ABR: variants seen among roughly 807,000 people sequenced by gnomAD.
ABR encodes active breakpoint cluster region-related protein.
ABR carries 35 observed loss-of-function variants against 107.2 expected under a neutral mutation model. That is an observed-to-expected ratio of 0.33 (90% CI 0.25 to 0.43). ABR has a LOEUF of 0.43. Among genes scored for constraint, ABR ranks in the 20% least tolerant of loss-of-function variants. ABR has a pLI of 1.00. For synonymous variants in ABR, 498 were observed against 462.0 expected (o/e 1.08, Z -1.00); for missense variants, 815 against 1,115.2 (o/e 0.73, Z 3.83).
intron 16 of ABR, among the ~76,000 whole-genome samples, chr17:1,038,372 G>T (rs1266384941): frequency 6.6e-6 from 1 of 152,224 alleles, no homozygotes. Flanking sequence ...CTCCAGTCGT[G>T]TCTCTGCTTC....
Position 1,010,991 on chromosome 17 carries a change from G to C in ABR, c.2102-128C>G. On this transcript the variant is annotated intron_variant, in intron 19 of 22. Transcript: ENST00000302538. This position sits in a 1 kb window ranked among gnomAD's most constrained non-coding sequence, Gnocchi z 4.1. ...CTGGTCTCCCCTGGAAGAGCAGGATGTAGAGAGGGCCCACAGGTGTCTGTG... is the reference window on the plus strand; with the variant it reads ...CTGGTCTCCCCTGGAAGAGCAGGATCTAGAGAGGGCCCACAGGTGTCTGTG... The C allele has an allele frequency of 7.9e-7, 1 of 1,270,352 alleles. No individual in the cohort carries two copies. 78.7% of individuals were successfully genotyped at this position (1,270,352 alleles called of 1,614,324 possible). A position where few individuals can be genotyped will look rare whatever the true frequency, so the allele number is the denominator to read the frequency against.
At position 1,078,468 on chromosome 17, in the gene ABR, G is replaced by A. The variant is rs1287534322; in HGVS notation, c.700+862C>T. On this transcript the variant is annotated intron_variant, in intron 6 of 22. Coordinates refer to ENST00000302538, the MANE Select transcript of ABR (RefSeq NM_021962.5). The surrounding 1 kb of genome is among the most constrained non-coding windows in gnomAD (Gnocchi z 7.5). ...CCTGGCCCCCGCAGACCCTCTCCCT[G>A]GCCTCAGGGCTACTACGTCTGCGGG... 6.6e-6 allele frequency among the ~76,000 whole-genome samples: 1 copy of A among 152,030 alleles called. No individual in the cohort carries two copies. Among genetic ancestry groups the A allele is most frequent in the Non-Finnish European group, 1.5e-5 (1 of 68,006 alleles).
chr17:1,074,918 C>T (rs1168106549), intron 6 of ABR, among the ~76,000 whole-genome samples: 2 of 152,188 alleles, frequency 1.3e-5, no homozygotes, highest in Non-Finnish European at 2.9e-5. Context: ...TGCACTCCAG[C>T]CTGGGTAACA....
At chr17:1,202,106 GCCT>G (rs1222895811) in intron 1 of ABR, among the ~76,000 whole-genome samples, 1 of 152,124 alleles carries the variant, frequency 6.6e-6, no homozygotes, top group African/African-American at 2.4e-5. Context: ...TAATCCCTTT[GCCT>G]CCTTTTATTT....
chr17:1,228,661 C>T (rs2043268675), intron 1 of ABR: 1 of 152,152 alleles, frequency 6.6e-6, no homozygotes, highest in Admixed American at 6.5e-5. Flanking sequence ...GCAGCTCACC[C>T]TCCTTCCCGC....
chr17:1,015,715 C>T (rs2071100188), intron 16 of ABR, among the ~76,000 whole-genome samples: 1 of 152,124 alleles, frequency 6.6e-6, no homozygotes, highest in African/African-American at 2.4e-5. Flanking sequence ...GCCTCGGTCT[C>T]CCAAAGTGCT....
At chr17:1,026,874 G>A (rs967771739) in intron 16 of ABR, among the ~76,000 whole-genome samples, 5 of 151,918 alleles carry the variant, frequency 3.3e-5, no homozygotes, top group Non-Finnish European at 7.4e-5. Flanking sequence ...CCAGCGCCCT[G>A]TGGCCAACAC....
chr17:1,149,203 C>A (rs928086821), intron 1 of ABR, among the ~76,000 whole-genome samples: 1 of 151,746 alleles, frequency 6.6e-6, no homozygotes, highest in Non-Finnish European at 1.5e-5. Flanking sequence ...TAGCGCCCGG[C>A]CTATTTTGCC....
At chr17:1,030,527 G>A (rs2072642508) in intron 16 of ABR, among the ~76,000 whole-genome samples, 1 of 152,264 alleles carries the variant, frequency 6.6e-6, no homozygotes, top group African/African-American at 2.4e-5. Flanking sequence ...AGGTGACACA[G>A]GGGCCAGTGC....
At position 1,101,810 on chromosome 17, in the gene ABR, T is replaced by C. The variant is rs936677778; in HGVS notation, c.247-1075A>G. ...GTGCAGTGGCGCGATCTCGGCTCAC[T>C]GCAAGCTCCGCCTCCCGGGTTCACG... On this transcript the variant is annotated intron_variant, in intron 2 of 22. Coordinates refer to ENST00000302538, the MANE Select transcript of ABR (RefSeq NM_021962.5). Among the ~76,000 whole-genome samples the C allele has an allele frequency of 2.6e-5, 4 of 151,492 alleles. 1 individual carries two copies. The South Asian group carries it at 8.3e-4, about 32-fold the overall frequency.
Position 1,141,995 on chromosome 17 carries a change from T to C in ABR, c.62-16628A>G, listed in dbSNP as rs927787483. Among the ~76,000 whole-genome samples the C allele has an allele frequency of 2.0e-5, 3 of 151,868 alleles. No homozygotes were observed. In the East Asian group the frequency reaches 5.9e-4, roughly 30 times the overall value. ...ATGGTCTCAAACTCCTGACCTCAGG[T>C]GATCCACCTGCCTCGGCCTCCCAAA... On this transcript the variant is annotated intron_variant, in intron 1 of 22. Coordinates refer to ENST00000302538, the MANE Select transcript of ABR (RefSeq NM_021962.5).
rs944065916 is a variant in ABR at position 1,037,042 on chromosome 17, T to C, written c.1791+13008A>G. On this transcript the variant is annotated intron_variant, in intron 16 of 22. Transcript: ENST00000302538. The surrounding 1 kb of genome is among the most constrained non-coding windows in gnomAD (Gnocchi z 4.6). ...TTCCTTCCTTCCATCCATCCACCCA[T>C]CCATCCATCCATCCACCCATCCATC... Among the ~76,000 whole-genome samples, 6 of 134,328 alleles carry C rather than the reference T, an allele frequency of 4.5e-5. No individual in the cohort carries two copies. The Admixed American group carries it at 4.5e-4, about 10-fold the overall frequency. 88.1% of individuals were successfully genotyped at this position (134,328 alleles called of 152,430 possible).
At chr17:1,075,173 A>C (rs2035598428) in intron 6 of ABR, among the ~76,000 whole-genome samples, 1 of 152,230 alleles carries the variant, frequency 6.6e-6, no homozygotes, top group Non-Finnish European at 1.5e-5. Flanking sequence ...CTGGTGGATC[A>C]ACACTTCCCA....
In ABR at chr17:1,027,822, C is replaced by T. The variant is rs140058902; in HGVS notation, c.1792-14658G>A. On this transcript the variant is annotated intron_variant, in intron 16 of 22. Transcript: ENST00000302538. The surrounding 1 kb of genome is among the most constrained non-coding windows in gnomAD (Gnocchi z 4.7). The stretch of plus-strand genomic sequence containing the variant: ...GAAACAAGGAAGGGCGGTGGGCAGC[C>T]GGGCCAGGCCAGACTTCTATTGCAG... Among the ~76,000 whole-genome samples the T allele has an allele frequency of 1.9e-4, 29 of 151,766 alleles. No individual in the cohort carries two copies. Among genetic ancestry groups the T allele is most frequent in the South Asian group, 1.3e-3 (6 of 4,742 alleles).
chr17:1,117,784 T>TC (rs553152816), intron 2 of ABR, among the ~76,000 whole-genome samples: 1 of 57,410 alleles, frequency 1.7e-5, no homozygotes, highest in Non-Finnish European at 3.2e-5. Context: ...GAGCCTGAGT[T>TC]CTCCCCAGCG....
In ABR at chr17:1,050,546, C is replaced by T; in HGVS notation, c.1650G>A (p.Lys550=). Residue 550 remains lysine (K), a synonymous_variant, in exon 15 of 23, where the codon AAG becomes AAA. Transcript: ENST00000302538. This position sits in a 1 kb window ranked among gnomAD's most constrained non-coding sequence, Gnocchi z 4.6. The stretch of plus-strand genomic sequence containing the variant: ...AGCCCCTGCCACTCACCTCATCCCA[C>T]TTGGGCTCCGCTGTGTCCCGGAACA... ...TRVFRDTAEP[K]WDEEFEIELE... is the part of the protein sequence containing the mutation. The T allele has an allele frequency of 6.2e-7, 1 of 1,614,046 alleles. No individual in the cohort carries two copies. Among genetic ancestry groups the T allele is most frequent in the Non-Finnish European group, 8.5e-7 (1 of 1,179,982 alleles).
Position 1,195,780 on chromosome 17 carries a change from C to T in ABR, c.838+33013G>A, listed in dbSNP as rs1042281512. Among the ~76,000 whole-genome samples, 39 of 132,352 alleles carry T rather than the reference C, an allele frequency of 2.9e-4. 2 individuals are homozygous for T. The highest frequency in any genetic ancestry group is 9.6e-4 in the African/African-American group (32 of 33,494). 86.8% of individuals were successfully genotyped at this position (132,352 alleles called of 152,430 possible). A position where few individuals can be genotyped will look rare whatever the true frequency, so the allele number is the denominator to read the frequency against. On this transcript the variant is annotated intron_variant, in intron 1 of 22. Transcript: ENST00000574139. Reference sequence around the variant, plus strand: ...GATCGTGTCACTGCACTCCAGCCTGCGCAACAGAGCGAGACTCTGTCTCAA... The same window carrying T: ...GATCGTGTCACTGCACTCCAGCCTGTGCAACAGAGCGAGACTCTGTCTCAA...
chr17:1,218,072 C>T (rs766884283), intron 1 of ABR, among the ~76,000 whole-genome samples: 2 of 152,178 alleles, frequency 1.3e-5, no homozygotes, highest in African/African-American at 4.8e-5. Flanking sequence ...TCAAGTAATC[C>T]GCTACCTCGG....
intron 14 of ABR, among the ~76,000 whole-genome samples, chr17:1,055,033 G>A (rs1244711513): frequency 6.6e-6 from 1 of 152,104 alleles, no homozygotes; most frequent in Non-Finnish European, 1.5e-5. Context: ...ACTATTAGCT[G>A]TCTAACTGAC....
Sources: gnomAD v4.1 joint callset for allele counts (sites outside exome capture counted in the v4.1 genomes callset) on GRCh38, gnomAD v4.1.1 for gene constraint, Gnocchi (gnomAD v3.1) non-coding constraint, MANE v1.5 for transcripts, NCBI Gene and HGNC (gene_info 2026-07-23, HGNC 2026-07-21) for gene names.